MED19: variants seen among roughly 807,000 people sequenced by gnomAD.
The protein encoded by MED19 is mediator complex subunit 19.
Under a neutral mutation model 19.9 loss-of-function variants are expected in MED19, and 4 were observed. The observed-to-expected ratio is 0.20, with a 90% CI of 0.10 to 0.46. The LOEUF is 0.46. MED19 is among the 20% of genes least tolerant of loss of function. The probability of loss-of-function intolerance (pLI) is 0.99; values close to 1 mark genes in which losing one functional copy is unlikely to be tolerated. For missense variants in MED19, 303 were observed against 318.7 expected (o/e 0.95, Z 0.38); for synonymous variants, 139 against 119.6 (o/e 1.16, Z -1.06).
chr11:57,709,035 T>G lies in MED19; in HGVS notation c.217+2928A>C, dbSNP rs183490977. On this transcript the variant is annotated intron_variant, in intron 1 of 4. Transcript: ENST00000431606. ...GAACTTCAAAGTACTATACCAATAT[T>G]TGTTGCTATTTCCCTCAAGTCATGA... Among the ~76,000 whole-genome samples the G allele has an allele frequency of 4.8e-3, 738 of 152,326 alleles. 4 individuals are homozygous for G. Among genetic ancestry groups the G allele is most frequent in the Middle Eastern group, 0.01 (3 of 294 alleles).
At chr11:57,704,013 C>G in exon 5 of MED19, 1 of 1,535,732 alleles carries the variant, frequency 6.5e-7, no homozygotes, top group Admixed American at 2.0e-5. Flanking sequence ...GAAAAGCCAT[C>G]CTGGCAAAGA....
At chr11:57,704,560 AG>A in intron 3 of MED19, 158 bp downstream of exon 3, 4 of 1,589,944 alleles carry the variant, frequency 2.5e-6, no homozygotes, top group Non-Finnish European at 3.4e-6. Context: ...AAGTCCCAAG[AG>A]ACCACAGTAC....
intron 1 of MED19, among the ~76,000 whole-genome samples, chr11:57,706,392 C>G (rs1946508200): frequency 6.6e-6 from 1 of 152,162 alleles, no homozygotes; most frequent in Non-Finnish European, 1.5e-5. Flanking sequence ...GATCCGCCAC[C>G]CCCCGCCGCC....
At chr11:57,705,269 A>C in intron 1 of MED19, 40 bp from the exon 2 acceptor site, 2 of 1,602,654 alleles carry the variant, frequency 1.2e-6, no homozygotes, top group Non-Finnish European at 8.5e-7. Flanking sequence ...ATCAGTCTTC[A>C]AAGTAGACCC....
chr11:57,712,010 T>C (rs1394992609), exon 1 of MED19: 4 of 1,531,116 alleles, frequency 2.6e-6, no homozygotes, highest in Non-Finnish European at 3.5e-6. Context: ...AGCTCCTGAC[T>C]TGTCCGCGCC....
chr11:57,705,544 C>G (rs550572341), intron 1 of MED19, among the ~76,000 whole-genome samples: 1 of 151,708 alleles, frequency 6.6e-6, no homozygotes, highest in South Asian at 2.1e-4. Flanking sequence ...GTCCCAACTA[C>G]TCAGGAGGCT....
At position 57,705,980 on chromosome 11, in the gene MED19, G is replaced by C. The variant is rs74405206; in HGVS notation, c.218-751C>G. On this transcript the variant is annotated intron_variant, in intron 1 of 4. Coordinates refer to ENST00000431606, the Ensembl canonical transcript of MED19. ...GGCCAAATATGACCCAGTGACTTAA[G>C]GGTCTTGTCAAGGACTTTTTTTTTT... Among the ~76,000 whole-genome samples, 368 of 151,948 alleles carry C rather than the reference G, an allele frequency of 2.4e-3. 1 individual carries two copies. The highest frequency in any genetic ancestry group is 3.4e-3 in the Middle Eastern group (1 of 294).
chr11:57,711,673 G>A (rs1283085363), intron 1 of MED19, among the ~76,000 whole-genome samples: 3 of 152,242 alleles, frequency 2.0e-5, no homozygotes, highest in East Asian at 1.9e-4. Flanking sequence ...TTTTTAGAGA[G>A]ACATAAACCA....
chr11:57,704,800 G>A, exon 3 of MED19: 3 of 1,611,860 alleles, frequency 1.9e-6, no homozygotes, highest in Non-Finnish European at 2.5e-6. Context: ...TGCATCAGAC[G>A]ACACTGCTCC....
At chr11:57,708,137 TAA>T (rs112096138) in intron 1 of MED19, among the ~76,000 whole-genome samples, 45 of 142,110 alleles carry the variant, frequency 3.2e-4, no homozygotes, top group African/African-American at 1.2e-3. Context: ...CCCAACAAGA[TAA>T]AAAAAAAAAA....
At chr11:57,704,479 C>G (rs1946483694) in intron 3 of MED19, 83 bp from the exon 4 acceptor site, 2 of 1,549,364 alleles carry the variant, frequency 1.3e-6, no homozygotes, top group Admixed American at 2.2e-5. Flanking sequence ...CAGGAAAATC[C>G]CAAGTCGGGG....
chr11:57,703,772 CAAATTGCACAAAAGAGAGAGAAGA>C, exon 5 of MED19: 1 of 416,646 alleles, frequency 2.4e-6, no homozygotes, highest in Non-Finnish European at 4.2e-6. Context: ...CTAAATCAGA[CAAATTGCACAAAAGAGAGAGAAGA>C]AAATTGTAAG....
At chr11:57,708,770 G>T (rs1946533604) in intron 1 of MED19, among the ~76,000 whole-genome samples, 2 of 152,020 alleles carry the variant, frequency 1.3e-5, no homozygotes, top group South Asian at 4.1e-4. Context: ...CATTTGCCCA[G>T]AACATATATT....
intron 1 of MED19, among the ~76,000 whole-genome samples, chr11:57,708,057 C>T (rs1946527821): frequency 6.6e-6 from 1 of 151,838 alleles, no homozygotes; most frequent in African/African-American, 2.4e-5. Context: ...TGGTCTTGAA[C>T]TCCTGGACTC....
intron 1 of MED19, among the ~76,000 whole-genome samples, chr11:57,709,721 G>C (rs2135418639): frequency 6.6e-6 from 1 of 152,172 alleles, no homozygotes; most frequent in South Asian, 2.1e-4. Flanking sequence ...GCTATCCCTA[G>C]CTAATTTATT....
Position 57,712,194 on chromosome 11 carries a change from C to A in MED19, c.-15G>T, listed in dbSNP as rs542100072. ...AAATTCTCCATCGTACCCTCCGCCC[C>A]GGCGCTGTCTCCGTGTCTGCCGTTG... On this transcript the variant is annotated 5_prime_UTR_variant, in exon 1 of 5. Transcript: ENST00000431606. 5.3e-6 allele frequency: 8 copies of A among 1,508,928 alleles called. No individual in the cohort carries two copies. The African/African-American group carries it at 1.0e-4, about 19-fold the overall frequency. The allele number at this position is 1,508,928 out of a possible 1,614,324, so 93.5% of individuals were successfully genotyped here.
intron 1 of MED19, among the ~76,000 whole-genome samples, chr11:57,710,861 A>G (rs1303245738): frequency 6.6e-6 from 1 of 152,048 alleles, no homozygotes; most frequent in East Asian, 1.9e-4. Flanking sequence ...ACGCCCGGTT[A>G]ATCTTGTATA....
intron 1 of MED19, among the ~76,000 whole-genome samples, chr11:57,707,782 T>C (rs1283600513): frequency 6.6e-6 from 1 of 152,214 alleles, no homozygotes; most frequent in East Asian, 1.9e-4. Flanking sequence ...TTTTCTAAAC[T>C]GTAACTTGAG....
exon 1 of MED19, chr11:57,712,178 A>G: frequency 1.3e-6 from 2 of 1,518,720 alleles, no homozygotes; most frequent in Non-Finnish European, 1.8e-6. Flanking sequence ...GAAATTCTCC[A>G]TCGTACCCTC....
Sources: gnomAD v4.1 joint callset for allele counts (sites outside exome capture counted in the v4.1 genomes callset) on GRCh38, gnomAD v4.1.1 for gene constraint, MANE v1.5 for transcripts, NCBI Gene and HGNC (gene_info 2026-07-23, HGNC 2026-07-21) for gene names.